Variants in SLC60A1 observed in about 807,000 individuals in gnomAD.
SLC60A1 encodes the protein major facilitator superfamily domain containing 4.
At chr1:205,580,572 T>G in the SLC60A1 span, 1 of 1,509,462 alleles carries the variant, frequency 6.6e-7, no homozygotes, top group African/African-American at 1.4e-5. This position sits in a 1 kb window ranked among gnomAD's most constrained non-coding sequence, Gnocchi z 5.0. Flanking sequence ...GGGCTCAGTG[T>G]GGGTCCTCTG....
chr1:205,569,133 T>A, the SLC60A1 span: 2 of 1,533,464 alleles, frequency 1.3e-6, no homozygotes, highest in Non-Finnish European at 1.8e-6. Flanking sequence ...GCTCACCTAC[T>A]GGAGCGTCTT....
the SLC60A1 span, chr1:205,583,944 C>T: frequency 2.5e-6 from 4 of 1,611,224 alleles, no homozygotes; most frequent in Non-Finnish European, 3.4e-6. Context: ...GACCCTCTGC[C>T]TGCTCCCCAG....
At chr1:205,592,188 G>A in the SLC60A1 span, 23 of 1,614,086 alleles carry the variant, frequency 1.4e-5, no homozygotes, top group Non-Finnish European at 1.8e-5. Flanking sequence ...CTCCTACAAC[G>A]TCGTCTTCCT....
chr1:205,586,234 CTTCTG>C, the SLC60A1 span: 1 of 1,611,334 alleles, frequency 6.2e-7, no homozygotes. Flanking sequence ...CCTCCTCTCT[CTTCTG>C]AGAGACCCAG....
the SLC60A1 span, chr1:205,597,910 G>C: frequency 4.0e-5 from 61 of 1,535,000 alleles, no homozygotes; most frequent in African/African-American, 9.5e-5. Flanking sequence ...TGACAGGTGA[G>C]AAGATGCAGA....
chr1:205,597,373 G>GTTTTTTTTT, the SLC60A1 span, among the ~76,000 whole-genome samples: 6 of 37,226 alleles, frequency 1.6e-4, 1 homozygote, highest in East Asian at 9.2e-4. Flanking sequence ...AACCTAGGTT[G>GTTTTTTTTT]TTTTTTTTTT....
At chr1:205,598,481 T>C in the SLC60A1 span, 1 of 153,058 alleles carries the variant, frequency 6.5e-6, no homozygotes, top group Non-Finnish European at 1.5e-5. Context: ...TTCCAGAAAC[T>C]GACAGAGAGG....
At chr1:205,576,189 G>C in the SLC60A1 span, among the ~76,000 whole-genome samples, 2 of 152,198 alleles carry the variant, frequency 1.3e-5, no homozygotes, top group Non-Finnish European at 2.9e-5. Flanking sequence ...ACTGCAGCAG[G>C]AATAGGGGCA....
At chr1:205,572,853 A>T in the SLC60A1 span, among the ~76,000 whole-genome samples, 1 of 152,232 alleles carries the variant, frequency 6.6e-6, no homozygotes, top group Admixed American at 6.5e-5. Context: ...AAGAATTGAA[A>T]ATGTATGTCC....
At chr1:205,592,366 CTCT>C in the SLC60A1 span, 172,982 of 816,916 alleles carry the variant, frequency 0.21, 9,550 homozygotes, top group East Asian at 0.41. Flanking sequence ...TCTCTCTGTG[CTCT>C]TTTTTTTTTT....
chr1:205,572,594 T>C, the SLC60A1 span, among the ~76,000 whole-genome samples: 3 of 152,194 alleles, frequency 2.0e-5, no homozygotes, highest in South Asian at 2.1e-4. Flanking sequence ...AGGCCACCCC[T>C]AGATATGCTG....
At chr1:205,599,548 G>A in the SLC60A1 span, among the ~76,000 whole-genome samples, 1 of 152,152 alleles carries the variant, frequency 6.6e-6, no homozygotes, top group Non-Finnish European at 1.5e-5. Flanking sequence ...CATGTCATGG[G>A]ACCATGAGCC....
chr1:205,578,307 A>G, the SLC60A1 span, among the ~76,000 whole-genome samples: 3 of 152,144 alleles, frequency 2.0e-5, no homozygotes, highest in South Asian at 2.1e-4. Flanking sequence ...TGTCCAGGGA[A>G]AGGGAGGGGA....
At chr1:205,584,677 C>G in the SLC60A1 span, among the ~76,000 whole-genome samples, 1 of 152,096 alleles carries the variant, frequency 6.6e-6, no homozygotes, top group Non-Finnish European at 1.5e-5. Context: ...GGGCAAGTCA[C>G]CTGACCTCTC....
the SLC60A1 span, among the ~76,000 whole-genome samples, chr1:205,590,485 G>A: frequency 5.3e-5 from 8 of 152,320 alleles, no homozygotes; most frequent in East Asian, 1.2e-3. Flanking sequence ...CCCAGGGAAG[G>A]AAGTCTGTCT....
At chr1:205,578,999 A>G in the SLC60A1 span, among the ~76,000 whole-genome samples, 5 of 152,164 alleles carry the variant, frequency 3.3e-5, no homozygotes, top group Non-Finnish European at 5.9e-5. Flanking sequence ...CCAATCATTC[A>G]TTCATTCACT....
chr1:205,597,389 T>G, the SLC60A1 span, among the ~76,000 whole-genome samples: 246 of 146,746 alleles, frequency 1.7e-3, 4 homozygotes, highest in Non-Finnish European at 3.0e-3. Flanking sequence ...TTTTTTTTTT[T>G]TTTTTTTTTT....
chr1:205,596,785 G>A, the SLC60A1 span, among the ~76,000 whole-genome samples: 10 of 152,188 alleles, frequency 6.6e-5, no homozygotes, highest in Middle Eastern at 3.4e-3. Context: ...AGGGGCTTGC[G>A]CAGAGAGTTG....
the SLC60A1 span, chr1:205,569,189 G>A: frequency 6.5e-7 from 1 of 1,548,654 alleles, no homozygotes; most frequent in Non-Finnish European, 8.7e-7. Context: ...CCACGCTGCT[G>A]GACCTGCGCT....
Sources: allele counts gnomAD v4.1 joint callset (sites outside exome capture counted in the v4.1 genomes callset), GRCh38; gene constraint gnomAD v4.1.1; non-coding constraint Gnocchi (gnomAD v3.1); transcripts MANE v1.5; gene names NCBI Gene and HGNC (gene_info 2026-07-23, HGNC 2026-07-21).